The following HPS5 variants were observed in gnomAD, a reference collection of about 807,000 sequenced individuals.
The protein encoded by HPS5 is BLOC-2 complex member HPS5.
Under a neutral mutation model 128.0 loss-of-function variants are expected in HPS5, and 83 were observed. That is an observed-to-expected ratio of 0.65 (90% CI 0.54 to 0.78). The LOEUF (loss-of-function observed/expected upper bound fraction) is 0.78. HPS5 is among the 30% of genes least tolerant of loss of function. The pLI is 0.00. For synonymous variants in HPS5, 475 were observed against 470.2 expected (o/e 1.01, Z -0.13); for missense variants, 1,281 against 1,326.2 (o/e 0.97, Z 0.53).
At chr11:18,311,505 A>ATT (rs1405485967) in intron 3 of HPS5, 54 bp from the exon 4 acceptor site, 82 of 816,672 alleles carry the variant, frequency 1.0e-4, no homozygotes, top group African/African-American at 1.5e-4. Flanking sequence ...CATTATTATT[A>ATT]TTATTATTTT....
intron 18 of HPS5, 43 bp downstream of exon 18, chr11:18,287,492 T>A: frequency 6.2e-7 from 1 of 1,604,330 alleles, no homozygotes; most frequent in Non-Finnish European, 8.5e-7. Context: ...AACAATGCCC[T>A]GTCAAAAGAA....
At chr11:18,303,722 G>A (rs1251307574) in intron 8 of HPS5, among the ~76,000 whole-genome samples, 3 of 152,148 alleles carry the variant, frequency 2.0e-5, no homozygotes, top group South Asian at 4.1e-4. Context: ...GCGTGGTGGC[G>A]TGCGCCTGTG....
At chr11:18,289,839 T>C (rs1350676664) in intron 16 of HPS5, among the ~76,000 whole-genome samples, 1 of 152,248 alleles carries the variant, frequency 6.6e-6, no homozygotes, top group African/African-American at 2.4e-5. Context: ...GAAAGGGCAA[T>C]GCATATAGTT....
intron 9 of HPS5, 96 bp from the exon 10 acceptor site, chr11:18,299,066 C>T (rs368166018): frequency 3.0e-5 from 36 of 1,216,636 alleles, no homozygotes; most frequent in Non-Finnish European, 3.6e-5. Context: ...TCATTTCTTA[C>T]GTAGGGTTTG....
At position 18,279,723 on chromosome 11, in the gene HPS5, G is replaced by A. The variant is rs991949414; in HGVS notation, c.*159C>T. On this transcript the variant is annotated 3_prime_UTR_variant, in exon 23 of 23. Coordinates refer to ENST00000349215, the MANE Select transcript of HPS5 (RefSeq NM_181507.2). Reference sequence around the variant, plus strand: ...AGGTCATGGATAAAGAGTCACAGATGCCGATGCCAAGGGTACAGACACTGA... The same window carrying A: ...AGGTCATGGATAAAGAGTCACAGATACCGATGCCAAGGGTACAGACACTGA... The A allele has an allele frequency of 1.2e-5, 8 of 692,346 alleles. No individual in the cohort carries two copies. In the Admixed American group the frequency reaches 1.6e-4, roughly 14 times the overall value. The allele number at this position is 692,346 out of a possible 1,614,324, so 42.9% of individuals were successfully genotyped here. A position where few individuals can be genotyped will look rare whatever the true frequency, so the allele number is the denominator to read the frequency against.
At chr11:18,306,473 A>C (rs1204427447) in intron 6 of HPS5, 126 bp from the exon 7 acceptor site, 1 of 655,166 alleles carries the variant, frequency 1.5e-6, no homozygotes, top group Non-Finnish European at 2.7e-6. Context: ...CATATTAGCA[A>C]TATACTGAAA....
chr11:18,310,560 T>C (rs986069896), intron 5 of HPS5, among the ~76,000 whole-genome samples, 181 bp downstream of exon 5: 1 of 152,236 alleles, frequency 6.6e-6, no homozygotes, highest in African/African-American at 2.4e-5. Context: ...TGTAACGGTA[T>C]TGAGCTAACA....
At chr11:18,300,758 G>T in intron 9 of HPS5, 70 bp downstream of exon 9, 4 of 576,780 alleles carry the variant, frequency 6.9e-6, no homozygotes, top group Non-Finnish European at 1.2e-5. Context: ...TAAATTACAA[G>T]AGAATGCTCC....
At chr11:18,294,456 C>T (rs1860811384) in intron 14 of HPS5, among the ~76,000 whole-genome samples, 1 of 152,050 alleles carries the variant, frequency 6.6e-6, no homozygotes, top group South Asian at 2.1e-4. Flanking sequence ...TAGTCATACG[C>T]AGAGCCAGGA....
Position 18,287,509 on chromosome 11 carries a change from G to A in HPS5, c.2717+26C>T, listed in dbSNP as rs201099792. On this transcript the variant is annotated intron_variant, in intron 18 of 22. Coordinates refer to ENST00000349215, the MANE Select transcript of HPS5 (RefSeq NM_181507.2). ...CAATGCCCTGTCAAAAGAAAGGAGA[G>A]TCTGCAAATATGCTCTCCTTCTCAC... 168 of 1,612,836 alleles carry A rather than the reference G, an allele frequency of 1.0e-4. No homozygotes were observed. In the Middle Eastern group the frequency reaches 1.2e-3, roughly 11 times the overall value.
rs373182503 is a variant in HPS5, at chr11:18,287,923, T to C, written c.2531A>G (p.Asp844Gly). The change falls in exon 17 of 23, where the codon GAT becomes GGT. Residue 844 changes from aspartate to glycine, a missense_variant. Transcript: ENST00000349215. ...LKLLDDEVPFDSPLLVVYATR... is the reference protein window; with the variant it reads ...LKLLDDEVPFGSPLLVVYATR... ...AGCATAAACAACCAACAACGGACTA[T>C]CAAAAGGAACCTCGTCATCTAGTAA... 1.2e-6 allele frequency: 2 copies of C among 1,613,938 alleles called. No homozygotes were observed. Among genetic ancestry groups the C allele is most frequent in the African/African-American group, 1.3e-5 (1 of 74,916 alleles).
chr11:18,281,427 G>A (rs1044243579), intron 22 of HPS5, among the ~76,000 whole-genome samples: 1 of 150,840 alleles, frequency 6.6e-6, no homozygotes, highest in South Asian at 2.1e-4. Flanking sequence ...TTGAGATGGA[G>A]TCTCGCTCTG....
In HPS5 at chr11:18,311,288, A is replaced by C. The variant is rs915856408; in HGVS notation, c.284+99T>G. The C allele has an allele frequency of 4.5e-6, 4 of 892,688 alleles. No homozygotes were observed. In the African/African-American group the frequency reaches 5.0e-5, roughly 11 times the overall value. The allele number at this position is 892,688 out of a possible 1,614,324, so 55.3% of individuals were successfully genotyped here. A position where few individuals can be genotyped will look rare whatever the true frequency, so the allele number is the denominator to read the frequency against. On this transcript the variant is annotated intron_variant, in intron 4 of 22. Transcript: ENST00000349215. ...GAGTTTCACTGTTAAAACCGGGACA[A>C]TCCTAGGCAAACCAGGATGGTTGGT...
chr11:18,299,491 A>C (rs1359735829), intron 9 of HPS5, among the ~76,000 whole-genome samples: 3 of 152,246 alleles, frequency 2.0e-5, no homozygotes, highest in Non-Finnish European at 4.4e-5. Context: ...CCAGTAAGTA[A>C]TGATTTCTTT....
intron 2 of HPS5, among the ~76,000 whole-genome samples, chr11:18,317,344 C>T (rs1354652395): frequency 3.3e-5 from 5 of 151,554 alleles, no homozygotes; most frequent in Admixed American, 3.3e-4. Context: ...CAACCTCCAC[C>T]TCCCGGGTTC....
Position 18,286,605 on chromosome 11 carries a change from A to C in HPS5, c.2823T>G (p.Asp941Glu). ...TTCTTCTGTACCTGGGATAACCTTCATCATCCATTGTGCTGGTGCTTGGTG... is the reference window on the plus strand; with the variant it reads ...TTCTTCTGTACCTGGGATAACCTTCCTCATCCATTGTGCTGGTGCTTGGTG... The part of the protein sequence containing the change: ...DAPPSTSTMD[D>E]EGYPRPHSHL... The change falls in exon 19 of 23, where the codon GAT (aspartate) becomes GAG (glutamate). Residue 941 changes from aspartate (D) to glutamate (E), a missense_variant. Transcript: ENST00000349215. The C allele has an allele frequency of 1.9e-6, 3 of 1,614,054 alleles. No homozygotes were observed. The highest frequency in any genetic ancestry group is 2.5e-6 in the Non-Finnish European group (3 of 1,179,954).
At chr11:18,295,880 G>GT (rs1194534791) in intron 13 of HPS5, 119 bp downstream of exon 13, 18 of 1,104,254 alleles carry the variant, frequency 1.6e-5, no homozygotes, top group Non-Finnish European at 2.1e-5. Context: ...CATATGACAA[G>GT]TTATATGGAA....
chr11:18,309,516 A>G (rs981547539), intron 5 of HPS5, among the ~76,000 whole-genome samples: 2 of 152,090 alleles, frequency 1.3e-5, no homozygotes, highest in African/African-American at 4.8e-5. Context: ...TCTCTAGATA[A>G]ATAAAGTTTT....
At chr11:18,305,555 T>A in intron 7 of HPS5, 62 bp from the exon 8 acceptor site, 3 of 1,336,192 alleles carry the variant, frequency 2.2e-6, no homozygotes, top group Non-Finnish European at 3.2e-6. Flanking sequence ...AAAATTACAC[T>A]TTTCCCAATA....
Sources: gnomAD v4.1 joint callset for allele counts (sites outside exome capture counted in the v4.1 genomes callset) on GRCh38, gnomAD v4.1.1 for gene constraint, MANE v1.5 for transcripts, NCBI Gene and HGNC (gene_info 2026-07-23, HGNC 2026-07-21) for gene names.